Variants in CADPS2 observed in about 807,000 individuals in gnomAD.
CADPS2 encodes calcium-dependent secretion activator 2.
CADPS2 carries 93 observed loss-of-function variants against 172.5 expected under a neutral mutation model. The ratio of observed to expected loss-of-function variants is 0.54; its 90% CI spans 0.46 to 0.64. The LOEUF is 0.64. Ranked by LOEUF, CADPS2 falls within the 30% of genes least tolerant of loss-of-function variation. The pLI, the probability that CADPS2 is intolerant of heterozygous loss-of-function variation, is 0.00. For synonymous variants in CADPS2, 546 were observed against 555.2 expected (o/e 0.98, Z 0.23); for missense variants, 1,420 against 1,565.9 (o/e 0.91, Z 1.57).
intron 2 of CADPS2, among the ~76,000 whole-genome samples, chr7:122,700,412 T>C (rs1203795339): frequency 2.0e-5 from 3 of 152,108 alleles, no homozygotes; most frequent in African/African-American, 7.2e-5. Flanking sequence ...CCCATAAAGG[T>C]TGATTTTCTC....
At chr7:122,527,634 G>GTA in intron 8 of CADPS2, among the ~76,000 whole-genome samples, 1 of 150,944 alleles carries the variant, frequency 6.6e-6, no homozygotes, top group Middle Eastern at 3.4e-3. Context: ...GTGTGTGTGT[G>GTA]TGTGTGTGTG....
chr7:122,553,257 T>C (rs2064559913), intron 8 of CADPS2, among the ~76,000 whole-genome samples: 1 of 152,252 alleles, frequency 6.6e-6, no homozygotes, highest in East Asian at 1.9e-4. Context: ...TAATATCACA[T>C]TAAAGTTTGT....
At chr7:122,456,695 G>A (rs951826577) in intron 14 of CADPS2, among the ~76,000 whole-genome samples, 5 of 152,100 alleles carry the variant, frequency 3.3e-5, no homozygotes, top group African/African-American at 1.2e-4. Flanking sequence ...TGATCTTAAC[G>A]TCTGCCTGTG....
At chr7:122,628,041 T>C (rs1350696354) in intron 4 of CADPS2, among the ~76,000 whole-genome samples, 1 of 152,144 alleles carries the variant, frequency 6.6e-6, no homozygotes, top group African/African-American at 2.4e-5. Context: ...CTTTGGCCCC[T>C]AATTTATAGC....
intron 24 of CADPS2, among the ~76,000 whole-genome samples, chr7:122,386,567 T>C (rs2151427448): frequency 6.6e-6 from 1 of 152,134 alleles, no homozygotes; most frequent in Non-Finnish European, 1.5e-5. Context: ...TATTTATTGA[T>C]AAGAACTAGG....
chr7:122,603,325 C>T (rs1337319564), intron 6 of CADPS2, among the ~76,000 whole-genome samples: 1 of 147,238 alleles, frequency 6.8e-6, no homozygotes, highest in Non-Finnish European at 1.5e-5. Context: ...CATAAAATAA[C>T]GTTTGCAGTT....
chr7:122,452,071 T>C (rs768853188), intron 14 of CADPS2, among the ~76,000 whole-genome samples: 20 of 148,544 alleles, frequency 1.3e-4, no homozygotes, highest in Non-Finnish European at 2.9e-4. Flanking sequence ...TAAATATTCC[T>C]GTGAAATCAA....
At chr7:122,570,372 G>A (rs1273405167) in intron 7 of CADPS2, among the ~76,000 whole-genome samples, 1 of 151,374 alleles carries the variant, frequency 6.6e-6, no homozygotes, top group Admixed American at 6.6e-5. Context: ...TCATTAAAAA[G>A]TCAGGAAACA....
chr7:122,415,425 T>G (rs1478257379), intron 18 of CADPS2, among the ~76,000 whole-genome samples: 3 of 151,996 alleles, frequency 2.0e-5, no homozygotes, highest in Admixed American at 6.6e-5. Context: ...TGCAGGCTGA[T>G]TAATTATAGG....
intron 2 of CADPS2, among the ~76,000 whole-genome samples, chr7:122,736,348 G>C (rs2092148054): frequency 6.6e-6 from 1 of 152,114 alleles, no homozygotes; most frequent in Non-Finnish European, 1.5e-5. Flanking sequence ...AAATGACTCT[G>C]AATTGCTTAT....
chr7:122,705,958 A>T lies in CADPS2; in HGVS notation c.453+30997T>A, dbSNP rs1284350432. Among the ~76,000 whole-genome samples the T allele has an allele frequency of 9.5e-5, 2 of 20,980 alleles. 1 individual carries two copies. The highest frequency in any genetic ancestry group is 5.1e-4 in the African/African-American group (2 of 3,892). 13.8% of individuals were successfully genotyped at this position (20,980 alleles called of 152,430 possible). A position where few individuals can be genotyped will look rare whatever the true frequency, so the allele number is the denominator to read the frequency against. ...TATTATATAATATAATATATAATAT[A>T]TATATAATATAATATAATATATAAT... On this transcript the variant is annotated intron_variant, in intron 2 of 29. Coordinates refer to ENST00000449022, the MANE Select transcript of CADPS2 (RefSeq NM_017954.11).
In CADPS2 at chr7:122,645,324, T is replaced by C. The variant is rs1204203513; in HGVS notation, c.787-15996A>G. 1.0e-4 allele frequency among the ~76,000 whole-genome samples: 12 copies of C among 115,354 alleles called. 1 individual carries two copies. The highest frequency in any genetic ancestry group is 2.0e-4 in the Non-Finnish European group (10 of 49,488). 75.7% of individuals were successfully genotyped at this position (115,354 alleles called of 152,430 possible). A position where few individuals can be genotyped will look rare whatever the true frequency, so the allele number is the denominator to read the frequency against. ...ACATATGTACATGTGTGTATACATG[T>C]ACATATATACACACATGTACATGTG... is the stretch of plus-strand genomic sequence containing the variant. On this transcript the variant is annotated intron_variant, in intron 3 of 29. Transcript: ENST00000449022.
intron 1 of CADPS2, among the ~76,000 whole-genome samples, chr7:122,817,212 T>A (rs1036680647): frequency 2.5e-4 from 38 of 152,206 alleles, no homozygotes; most frequent in Admixed American, 7.2e-4. Flanking sequence ...GGGACCTCCC[T>A]TGGGAGATCA....
chr7:122,686,462 T>G (rs1032278867), intron 2 of CADPS2, among the ~76,000 whole-genome samples: 1 of 152,118 alleles, frequency 6.6e-6, no homozygotes, highest in Non-Finnish European at 1.5e-5. Flanking sequence ...CTAAGTGAGG[T>G]TCTTAAACTC....
chr7:122,732,144 C>CA (rs1264856896), intron 2 of CADPS2, among the ~76,000 whole-genome samples: 5 of 151,320 alleles, frequency 3.3e-5, no homozygotes, highest in Non-Finnish European at 5.9e-5. Context: ...TAGAAATACC[C>CA]AAAAAGATCT....
intron 3 of CADPS2, among the ~76,000 whole-genome samples, chr7:122,637,046 GTTTAT>G (rs1393278023): frequency 6.7e-6 from 1 of 149,922 alleles, no homozygotes; most frequent in African/African-American, 2.5e-5. Flanking sequence ...TTTTTAAATT[GTTTAT>G]TTATTTTTTT....
intron 28 of CADPS2, among the ~76,000 whole-genome samples, chr7:122,343,598 C>T (rs746625343): frequency 7.2e-5 from 11 of 152,100 alleles, no homozygotes; most frequent in Non-Finnish European, 1.3e-4. Flanking sequence ...AATAGGTCAC[C>T]GAGTCAAAAA....
chr7:122,386,747 AAAAGCAAGGTTTATGT>A, intron 24 of CADPS2, among the ~76,000 whole-genome samples: 2 of 152,220 alleles, frequency 1.3e-5, no homozygotes, highest in South Asian at 4.1e-4. Flanking sequence ...TTTGCTTGTA[AAAAGCAAGGTTTATGT>A]AAATGACACA....
intron 9 of CADPS2, among the ~76,000 whole-genome samples, chr7:122,501,932 ACT>A (rs2059241811): frequency 6.6e-6 from 1 of 150,768 alleles, no homozygotes; most frequent in South Asian, 2.1e-4. Flanking sequence ...CTAGAACACA[ACT>A]CTCTGTAGTT....
Sources: allele counts gnomAD v4.1 joint callset (sites outside exome capture counted in the v4.1 genomes callset), GRCh38; gene constraint gnomAD v4.1.1; transcripts MANE v1.5; gene names NCBI Gene and HGNC (gene_info 2026-07-23, HGNC 2026-07-21).